CADPS: variants seen among roughly 807,000 people sequenced by gnomAD.
The protein encoded by CADPS is calcium dependent secretion activator, also known as calcium-dependent secretion activator 1.
Under a neutral mutation model 167.3 loss-of-function variants are expected in CADPS, and 57 were observed. That is an observed-to-expected ratio of 0.34 (90% confidence interval 0.28 to 0.42). The LOEUF (loss-of-function observed/expected upper bound fraction) is 0.42, where lower values mean the gene tolerates loss of function less well. Among genes scored for constraint, CADPS ranks in the 20% least tolerant of loss-of-function variants. The pLI, the probability that CADPS is intolerant of heterozygous loss-of-function variation, is 1.00. For missense variants in CADPS, 1,414 were observed against 1,738.1 expected (o/e 0.81, Z 3.32); for synonymous variants, 676 against 635.3 (o/e 1.06, Z -0.96).
At position 62,687,793 on chromosome 3, in the gene CADPS, A is replaced by G. The variant is rs1278436942; in HGVS notation, c.889-25399T>C. Among the ~76,000 whole-genome samples, 9 of 104,944 alleles carry G rather than the reference A, an allele frequency of 8.6e-5. No homozygotes were observed. The Admixed American group carries it at 1.0e-3, about 12-fold the overall frequency. 68.8% of individuals were successfully genotyped at this position (104,944 alleles called of 152,430 possible). ...CTTGCTTCTATGGTAAAAAGCTCTT[A>G]TTATGCAGTCTTTTTCTACAACTAA... On this transcript the variant is annotated intron_variant, in intron 3 of 29. Transcript: ENST00000383710.
chr3:62,414,800 A>G (rs2049688278), intron 28 of CADPS, among the ~76,000 whole-genome samples: 1 of 152,200 alleles, frequency 6.6e-6, no homozygotes, highest in African/African-American at 2.4e-5. Flanking sequence ...TCTCGGGCCT[A>G]CCTGTTCTTG....
intron 23 of CADPS, among the ~76,000 whole-genome samples, chr3:62,477,278 G>T (rs1028169358): frequency 6.7e-6 from 1 of 150,236 alleles, no homozygotes; most frequent in African/African-American, 2.4e-5. Context: ...CACAACATCT[G>T]GAGATTTGGA....
At chr3:62,808,983 T>G (rs1197945128) in intron 1 of CADPS, among the ~76,000 whole-genome samples, 3 of 152,192 alleles carry the variant, frequency 2.0e-5, no homozygotes, top group African/African-American at 7.2e-5. Flanking sequence ...AACCAAAAAT[T>G]GTAGACATTA....
chr3:62,788,411 G>A (rs1182587329), intron 1 of CADPS, among the ~76,000 whole-genome samples: 1 of 152,088 alleles, frequency 6.6e-6, no homozygotes, highest in East Asian at 1.9e-4. Flanking sequence ...ACTTCACCAC[G>A]AAGTCGGTGA....
intron 23 of CADPS, among the ~76,000 whole-genome samples, chr3:62,476,836 T>C (rs2061388687): frequency 6.6e-6 from 1 of 152,146 alleles, no homozygotes; most frequent in South Asian, 2.1e-4. Context: ...ACGCAAAAAG[T>C]TTTTTTATGG....
chr3:62,483,500 G>A (rs1203782760), intron 21 of CADPS, among the ~76,000 whole-genome samples: 3 of 152,068 alleles, frequency 2.0e-5, no homozygotes, highest in African/African-American at 7.2e-5. Flanking sequence ...CCAGCTCATA[G>A]ACTGAAAAAC....
chr3:62,787,377 A>C (rs13322889), intron 1 of CADPS, among the ~76,000 whole-genome samples: 10,526 of 152,188 alleles, frequency 0.069, 1,122 homozygotes, highest in African/African-American at 0.23. Context: ...AAATTTTCAA[A>C]AATACTGAAG....
chr3:62,571,721 T>A (rs1243462663), intron 8 of CADPS, among the ~76,000 whole-genome samples: 1 of 152,028 alleles, frequency 6.6e-6, no homozygotes, highest in East Asian at 1.9e-4. Flanking sequence ...TGCGCCACCA[T>A]GCTTGGCTAA....
chr3:62,537,092 G>C (rs2074834830), intron 11 of CADPS, among the ~76,000 whole-genome samples: 1 of 151,986 alleles, frequency 6.6e-6, no homozygotes, highest in African/African-American at 2.4e-5. Flanking sequence ...TGCCAATTTG[G>C]TTTCATAAAA....
chr3:62,650,184 A>T (rs1431656958), intron 5 of CADPS, among the ~76,000 whole-genome samples: 2 of 152,174 alleles, frequency 1.3e-5, no homozygotes, highest in Non-Finnish European at 2.9e-5. Context: ...ACAATTTTAT[A>T]TTCCCATCCC....
At chr3:62,586,583 C>T (rs955506319) in intron 7 of CADPS, among the ~76,000 whole-genome samples, 15 of 152,144 alleles carry the variant, frequency 9.9e-5, no homozygotes, top group African/African-American at 3.4e-4. Flanking sequence ...GGGCCTGACC[C>T]TTTTTCTTCA....
At chr3:62,610,336 C>T (rs1275176837) in intron 6 of CADPS, among the ~76,000 whole-genome samples, 3 of 152,042 alleles carry the variant, frequency 2.0e-5, no homozygotes, top group East Asian at 1.9e-4. Context: ...CTGCAACCTT[C>T]GCTTCCCAGG....
chr3:62,447,712 G>C (rs920150193), intron 26 of CADPS, among the ~76,000 whole-genome samples: 5 of 152,208 alleles, frequency 3.3e-5, no homozygotes, highest in Admixed American at 2.6e-4. Context: ...AAAGGTGACT[G>C]CCTGCAGAGG....
intron 13 of CADPS, among the ~76,000 whole-genome samples, chr3:62,524,181 C>T (rs146068064): frequency 1.0e-3 from 153 of 152,322 alleles, no homozygotes; most frequent in African/African-American, 3.2e-3. Flanking sequence ...TTTCCTTTGT[C>T]TCTTTCAAGT....
At chr3:62,479,219 C>T (rs887562623) in intron 22 of CADPS, among the ~76,000 whole-genome samples, 1 of 152,184 alleles carries the variant, frequency 6.6e-6, no homozygotes, top group African/African-American at 2.4e-5. Flanking sequence ...CCTTTCTATA[C>T]GATGACGTCT....
intron 29 of CADPS, among the ~76,000 whole-genome samples, chr3:62,401,146 T>C (rs1453998250): frequency 6.6e-6 from 1 of 152,232 alleles, no homozygotes; most frequent in Non-Finnish European, 1.5e-5. Flanking sequence ...AACTGTGTTT[T>C]CACTTTGATG....
At chr3:62,634,033 G>T (rs2065796829) in intron 6 of CADPS, among the ~76,000 whole-genome samples, 2 of 152,128 alleles carry the variant, frequency 1.3e-5, no homozygotes, top group Non-Finnish European at 2.9e-5. Flanking sequence ...ATATTTTGGG[G>T]CCAGCTCTTT....
At chr3:62,654,419 T>C (rs1387676028) in intron 4 of CADPS, among the ~76,000 whole-genome samples, 2 of 152,180 alleles carry the variant, frequency 1.3e-5, no homozygotes, top group East Asian at 1.9e-4. Flanking sequence ...GATGAGGGTC[T>C]GATGGATAAA....
chr3:62,587,116 G>T (rs1018342804), intron 7 of CADPS, among the ~76,000 whole-genome samples: 1 of 152,220 alleles, frequency 6.6e-6, no homozygotes, highest in Non-Finnish European at 1.5e-5. Flanking sequence ...CAGTAGGTCA[G>T]GTGTTGGCTC....
Sources: gnomAD v4.1 joint callset for allele counts (sites outside exome capture counted in the v4.1 genomes callset) on GRCh38, gnomAD v4.1.1 for gene constraint, MANE v1.5 for transcripts, NCBI Gene and HGNC (gene_info 2026-07-23, HGNC 2026-07-21) for gene names.